ZNF662: variants seen among roughly 807,000 people sequenced by gnomAD.
The protein encoded by ZNF662 is zinc finger protein 662.
Under a neutral mutation model 12.4 loss-of-function variants are expected in ZNF662, and 14 were observed. That is an observed-to-expected ratio of 1.13 (90% CI 0.75 to 1.77). ZNF662 has a LOEUF of 1.77. Among genes scored for constraint, ZNF662 ranks in the 40% most tolerant of loss-of-function variants. The pLI is 0.00. For synonymous variants in ZNF662, 184 were observed against 176.4 expected (o/e 1.04, Z -0.34); for missense variants, 550 against 515.6 (o/e 1.07, Z -0.65).
Position 42,907,049 on chromosome 3 carries a change from G to A in ZNF662, c.-94+881G>A, listed in dbSNP as rs551355088. Among the ~76,000 whole-genome samples, 3 of 152,318 alleles carry A rather than the reference G, an allele frequency of 2.0e-5. No homozygotes were observed. The South Asian group carries it at 6.2e-4, about 32-fold the overall frequency. ...AATAGCTGTGGAGACTTTCTAGTGC[G>A]CAAGGACTGAAGTGCAGTGGACCAG... On this transcript the variant is annotated intron_variant, in intron 1 of 4. Transcript: ENST00000440367.
rs939218658 is a variant in ZNF662 at position 42,919,028 on chromosome 3, C to T, written c.*3674C>T. On this transcript the variant is annotated 3_prime_UTR_variant, in exon 5 of 5. Coordinates refer to ENST00000440367, the MANE Select transcript of ZNF662 (RefSeq NM_207404.4). Reference sequence around the variant, plus strand: ...AAAAGAAACCTCCAGGTTATGGGCACCTTATTTAGTCTAATCATCTGGCAG... The same window carrying T: ...AAAAGAAACCTCCAGGTTATGGGCATCTTATTTAGTCTAATCATCTGGCAG... Among the ~76,000 whole-genome samples the T allele has an allele frequency of 6.6e-6, 1 of 152,118 alleles. No individual in the cohort carries two copies. Among genetic ancestry groups the T allele is most frequent in the Non-Finnish European group, 1.5e-5 (1 of 68,024 alleles).
rs1257518753 is a variant in ZNF662 at position 42,914,410 on chromosome 3, A to G, written c.337A>G (p.Ser113Gly). Residue 113 changes from serine to glycine, a missense_variant, in exon 5 of 5, where the codon AGT becomes GGT. Physicochemically the swap from Ser to Gly is moderately conservative, Grantham distance 56 (BLOSUM62 0). Transcript: ENST00000440367. Reference protein sequence around the residue: ...EEAQDLMVLSSGPQWCGSQEL... With the variant: ...EEAQDLMVLSGGPQWCGSQEL... ...AGCACAGGACCTCATGGTCCTATCA[A>G]GTGGACCCCAGTGGTGTGGATCCCA... 1 of 1,614,040 alleles carries G rather than the reference A, an allele frequency of 6.2e-7. No homozygotes were observed. Among genetic ancestry groups the G allele is most frequent in the South Asian group, 1.1e-5 (1 of 91,060 alleles).
At chr3:42,912,467 T>C (rs1190056663) in intron 3 of ZNF662, among the ~76,000 whole-genome samples, 2 of 62,118 alleles carry the variant, frequency 3.2e-5, no homozygotes, top group African/African-American at 1.2e-4. Flanking sequence ...TATGTTATAA[T>C]ATATATTTTT....
At chr3:42,907,215 T>A (rs1235341315) in intron 1 of ZNF662, among the ~76,000 whole-genome samples, 3 of 152,110 alleles carry the variant, frequency 2.0e-5, no homozygotes, top group African/African-American at 7.2e-5. Context: ...CTGAGACTCC[T>A]AGAGATATAG....
At chr3:42,912,755 T>TTTATATATATAAATATATA (rs2088845182) in intron 3 of ZNF662, among the ~76,000 whole-genome samples, 1 of 118,412 alleles carries the variant, frequency 8.4e-6, no homozygotes. Flanking sequence ...ATATATATTT[T>TTTATATATATAAATATATA]TTGAGACACA....
chr3:42,908,262 C>G, intron 2 of ZNF662, 114 bp downstream of exon 2: 6 of 1,470,018 alleles, frequency 4.1e-6, no homozygotes, highest in Non-Finnish European at 5.4e-6. Context: ...GCTTCAGGCT[C>G]TTGGATTTTT....
In ZNF662 at chr3:42,908,320, A is replaced by C; in HGVS notation, c.34+172A>C. 3.6e-6 allele frequency: 5 copies of C among 1,404,980 alleles called. No individual in the cohort carries two copies. In the South Asian group the frequency reaches 7.2e-5, roughly 20 times the overall value. The allele number at this position is 1,404,980 out of a possible 1,614,324, so 87.0% of individuals were successfully genotyped here. A position where few individuals can be genotyped will look rare whatever the true frequency, so the allele number is the denominator to read the frequency against. ...TTGGAAAGTAGGAAGTCCTGGTATC[A>C]GTTTGGGCCTTATACAGGACTTCCT... On this transcript the variant is annotated intron_variant, in intron 2 of 4. Transcript: ENST00000440367.
chr3:42,914,696 A>T lies in ZNF662; in HGVS notation c.623A>T (p.Asp208Val), dbSNP rs1559382445. 6.2e-7 allele frequency: 1 copy of T among 1,614,234 alleles called. No homozygotes were observed. The highest frequency in any genetic ancestry group is 1.6e-4 in the Middle Eastern group (1 of 6,062). Residue 208 changes from aspartate (D) to valine (V), a missense_variant, in exon 5 of 5, where the codon GAT becomes GTT. Coordinates refer to ENST00000440367, the MANE Select transcript of ZNF662 (RefSeq NM_207404.4). ...GKCFDQNEDF[D>V]QHQKTHNGEK... is the part of the protein sequence containing the mutation. ...TGTTTTGATCAAAATGAGGACTTTGATCAACACCAGAAAACTCATAATGGA... is the reference window on the plus strand; with the variant it reads ...TGTTTTGATCAAAATGAGGACTTTGTTCAACACCAGAAAACTCATAATGGA...
Position 42,906,226 on chromosome 3 carries a change from T to C in ZNF662, c.-94+58T>C. ...GCAGGGAGTGGAGTCGGGGTCTTAC[T>C]CCGGTGGCTGCAGGGCGCAGGGTAG... On this transcript the variant is annotated intron_variant, in intron 1 of 4. Coordinates refer to ENST00000440367, the MANE Select transcript of ZNF662 (RefSeq NM_207404.4). The surrounding 1 kb of genome is among the most constrained non-coding windows in gnomAD (Gnocchi z 4.4). 1.2e-6 allele frequency: 1 copy of C among 824,544 alleles called. No individual in the cohort carries two copies. The allele number at this position is 824,544 out of a possible 1,614,324, so 51.1% of individuals were successfully genotyped here. A position where few individuals can be genotyped will look rare whatever the true frequency, so the allele number is the denominator to read the frequency against.
chr3:42,911,123 C>T (rs1315846718), intron 3 of ZNF662, among the ~76,000 whole-genome samples: 1 of 152,154 alleles, frequency 6.6e-6, no homozygotes, highest in African/African-American at 2.4e-5. Flanking sequence ...AATCAAAGTG[C>T]CAAGTATACT....
In ZNF662 at chr3:42,915,503, C is replaced by CA. The variant is rs1310180944; in HGVS notation, c.*151dup. The CA allele has an allele frequency of 1.5e-6, 1 of 681,282 alleles. No homozygotes were observed. The highest frequency in any genetic ancestry group is 1.8e-5 in the African/African-American group (1 of 55,488). The allele number at this position is 681,282 out of a possible 1,614,324, so 42.2% of individuals were successfully genotyped here. A position where few individuals can be genotyped will look rare whatever the true frequency, so the allele number is the denominator to read the frequency against. On this transcript the variant is annotated 3_prime_UTR_variant, in exon 5 of 5. Coordinates refer to ENST00000440367, the MANE Select transcript of ZNF662 (RefSeq NM_207404.4). ...TTTGAACATTTACCATGTACTCTAG[C>CA]AAGACTGGTCCCTCTGTTCTATGAT...
At position 42,906,787 on chromosome 3, in the gene ZNF662, A is replaced by G. The variant is rs926510001; in HGVS notation, c.-94+619A>G. 6.6e-6 allele frequency among the ~76,000 whole-genome samples: 1 copy of G among 152,214 alleles called. No individual in the cohort carries two copies. The highest frequency in any genetic ancestry group is 1.5e-5 in the Non-Finnish European group (1 of 68,044). On this transcript the variant is annotated intron_variant, in intron 1 of 4. Transcript: ENST00000440367. The surrounding 1 kb of genome is among the most constrained non-coding windows in gnomAD (Gnocchi z 4.4). ...CAGGAGCAGGAAGGAAGAACTGGAT[A>G]TTCAGGCAAGAGTAGCCGCAGGTGC...
rs530263176 is a variant in ZNF662 at position 42,906,267 on chromosome 3, C to T, written c.-94+99C>T. 1.8e-5 allele frequency: 24 copies of T among 1,304,096 alleles called. No homozygotes were observed. Among genetic ancestry groups the T allele is most frequent in the Non-Finnish European group, 2.5e-5 (24 of 962,622 alleles). 80.8% of individuals were successfully genotyped at this position (1,304,096 alleles called of 1,614,324 possible). Reference sequence around the variant, plus strand: ...CGCAGGGTAGCCGTGTCAGGCCTGCCCAGGTGCAGAGCGCTCTTCCGCGAC... The same window carrying T: ...CGCAGGGTAGCCGTGTCAGGCCTGCTCAGGTGCAGAGCGCTCTTCCGCGAC... On this transcript the variant is annotated intron_variant, in intron 1 of 4. Transcript: ENST00000440367. The surrounding 1 kb of genome is among the most constrained non-coding windows in gnomAD (Gnocchi z 4.4).
At position 42,908,820 on chromosome 3, in the gene ZNF662, T is replaced by C; in HGVS notation, c.62T>C (p.Leu21Pro). ...GCATTTCCATTTCCCAAACCGGCTC[T>C]GATTTCCCAGCTGGAGCGAGGGGAA... The part of the protein sequence containing the change: ...LAAFPFPKPA[L>P]ISQLERGETP... Residue 21 changes from leucine to proline, a missense_variant, in exon 3 of 5, where the codon CTG (leucine) becomes CCG (proline). Coordinates refer to ENST00000440367, the MANE Select transcript of ZNF662 (RefSeq NM_207404.4). The C allele has an allele frequency of 1.2e-6, 2 of 1,614,154 alleles. No individual in the cohort carries two copies. The highest frequency in any genetic ancestry group is 2.2e-5 in the South Asian group (2 of 91,078).
rs762407731 is a variant in ZNF662 at position 42,914,792 on chromosome 3, G to A, written c.719G>A (p.Arg240Lys). The change falls in exon 5 of 5, where the codon AGA becomes AAA. Residue 240 changes from arginine to lysine, a missense_variant. Transcript: ENST00000440367. ...SFRSHCIAHQRIHSGVKPYEC... is the reference protein window; with the variant it reads ...SFRSHCIAHQKIHSGVKPYEC... ...CGATCACATTGCATTGCACATCAGAGAATTCACAGTGGGGTGAAACCCTAT... is the reference window on the plus strand; with the variant it reads ...CGATCACATTGCATTGCACATCAGAAAATTCACAGTGGGGTGAAACCCTAT... 1 of 1,614,102 alleles carries A rather than the reference G, an allele frequency of 6.2e-7. No individual in the cohort carries two copies. Among genetic ancestry groups the A allele is most frequent in the Non-Finnish European group, 8.5e-7 (1 of 1,179,996 alleles).
At chr3:42,914,248 C>T (rs1473847189) in intron 4 of ZNF662, 79 bp from the exon 5 acceptor site, 41 of 1,263,738 alleles carry the variant, frequency 3.2e-5, no homozygotes, top group East Asian at 1.9e-4. Flanking sequence ...GAGAAGTGGA[C>T]GTATTAATAC....
In ZNF662 at chr3:42,915,736, C is replaced by T. The variant is rs953264170; in HGVS notation, c.*382C>T. 5.7e-6 allele frequency: 1 copy of T among 176,402 alleles called. No homozygotes were observed. Among genetic ancestry groups the T allele is most frequent in the Admixed American group, 5.4e-5 (1 of 18,636 alleles). The allele number at this position is 176,402 out of a possible 1,614,324, so 10.9% of individuals were successfully genotyped here. A position where few individuals can be genotyped will look rare whatever the true frequency, so the allele number is the denominator to read the frequency against. ...GAGTTGAAATTGGAGCCAGGCCTATCTGACTGCAGAGTTTACTGTTCTTTA... is the reference window on the plus strand; with the variant it reads ...GAGTTGAAATTGGAGCCAGGCCTATTTGACTGCAGAGTTTACTGTTCTTTA... On this transcript the variant is annotated 3_prime_UTR_variant, in exon 5 of 5. Transcript: ENST00000440367.
chr3:42,906,327 GCTTTCC>G lies in ZNF662; in HGVS notation c.-94+161_-94+166del. On this transcript the variant is annotated intron_variant, in intron 1 of 4. Transcript: ENST00000440367. This position sits in a 1 kb window ranked among gnomAD's most constrained non-coding sequence, Gnocchi z 4.4. ...CTCTGGTCCGGTCTGGCGCGCCCTC[GCTTTCC>G]CAGAGGGCGACCTGGGCTATGGCGG... 6.6e-7 allele frequency: 1 copy of G among 1,526,702 alleles called. No individual in the cohort carries two copies. The highest frequency in any genetic ancestry group is 1.2e-5 in the South Asian group (1 of 83,126). The allele number at this position is 1,526,702 out of a possible 1,614,324, so 94.6% of individuals were successfully genotyped here.
rs1451251030 is a variant in ZNF662, at chr3:42,908,078, C to T, written c.-37C>T. ...ACTTCTCTGAGAACGAATGGATCGG[C>T]CTGGGCCCTGCTCAGAGAGCCCTGT... is the stretch of plus-strand genomic sequence containing the variant. On this transcript the variant is annotated 5_prime_UTR_variant, in exon 2 of 5. Coordinates refer to ENST00000440367, the MANE Select transcript of ZNF662 (RefSeq NM_207404.4). 1 of 1,614,220 alleles carries T rather than the reference C, an allele frequency of 6.2e-7. No individual in the cohort carries two copies. The highest frequency in any genetic ancestry group is 1.1e-5 in the South Asian group (1 of 91,090).
Sources: gnomAD v4.1 joint callset for allele counts (sites outside exome capture counted in the v4.1 genomes callset) on GRCh38, gnomAD v4.1.1 for gene constraint, Gnocchi (gnomAD v3.1) non-coding constraint, MANE v1.5 for transcripts, NCBI Gene and HGNC (gene_info 2026-07-23, HGNC 2026-07-21) for gene names.